Variants in HMCN1 observed in about 807,000 individuals in gnomAD.
HMCN1 encodes the protein hemicentin 1.
In HMCN1, 321 loss-of-function variants were observed where a neutral mutation model predicts 625.9. The observed-to-expected ratio is 0.51, with a 90% CI of 0.47 to 0.56. The LOEUF is 0.56. Among genes scored for constraint, HMCN1 ranks in the 20% least tolerant of loss-of-function variants. The pLI is 0.00. For synonymous variants in HMCN1, 2,425 were observed against 2,417.6 expected, an observed-to-expected ratio of 1.00 and a Z score of -0.09; for missense variants, 6,588 against 6,887.3, an observed-to-expected ratio of 0.96 and a Z score of 1.54.
chr1:185,883,645 G>A (rs924424929), intron 4 of HMCN1, among the ~76,000 whole-genome samples: 1 of 151,928 alleles, frequency 6.6e-6, no homozygotes, highest in Non-Finnish European at 1.5e-5. Context: ...CAATTTGTTT[G>A]TTGTTGGATA....
rs1558181563 is a variant in HMCN1 at position 186,055,661 on chromosome 1, C to T, written c.7131C>T (p.Asp2377=). ...CAGGAATGACTGACAAAAAATATGACTTAAGTGTCCATGGTAAGTAGAAAG... is the reference window on the plus strand; with the variant it reads ...CAGGAATGACTGACAAAAAATATGATTTAAGTGTCCATGGTAAGTAGAAAG... ...NVAGMTDKKY[D]LSVHAPPSII... is the part of the protein sequence containing the mutation. The change falls in exon 45 of 107, where the codon GAC becomes GAT. Residue 2377 remains aspartate (D), a synonymous_variant. Transcript: ENST00000271588. 4 of 1,612,496 alleles carry T rather than the reference C, an allele frequency of 2.5e-6. No homozygotes were observed. Among genetic ancestry groups the T allele is most frequent in the Non-Finnish European group, 3.4e-6 (4 of 1,178,900 alleles).
intron 1 of HMCN1, among the ~76,000 whole-genome samples, chr1:185,770,267 T>G (rs974624890): frequency 1.3e-5 from 2 of 152,188 alleles, no homozygotes; most frequent in African/African-American, 4.8e-5. Context: ...TGAACAAGGA[T>G]TTAGACTTTT....
At chr1:185,828,041 C>A (rs756398912) in intron 1 of HMCN1, among the ~76,000 whole-genome samples, 3 of 152,068 alleles carry the variant, frequency 2.0e-5, no homozygotes, top group Non-Finnish European at 4.4e-5. Context: ...ACACGCACAA[C>A]TTAGGGAATA....
intron 4 of HMCN1, among the ~76,000 whole-genome samples, chr1:185,869,421 A>G (rs1333425867): frequency 2.6e-5 from 4 of 152,192 alleles, no homozygotes; most frequent in Non-Finnish European, 5.9e-5. Flanking sequence ...AATATTAACT[A>G]GTGTTATTAT....
In HMCN1 at chr1:186,055,515, G is replaced by T; in HGVS notation, c.6985G>T (p.Asp2329Tyr). 1 of 1,612,944 alleles carries T rather than the reference G, an allele frequency of 6.2e-7. No homozygotes were observed. Among genetic ancestry groups the T allele is most frequent in the Non-Finnish European group, 8.5e-7 (1 of 1,179,304 alleles). ...IPPPTVTWMKDGHPLIKAKGV... is the reference protein window; with the variant it reads ...IPPPTVTWMKYGHPLIKAKGV... ...ACCACCAACAGTGACCTGGATGAAA[G>T]ATGGCCACCCCTTGATCAAGGCAAA... Residue 2329 changes from aspartate to tyrosine, a missense_variant, in exon 45 of 107, where the codon GAT becomes TAT. Transcript: ENST00000271588.
chr1:185,874,187 G>A (rs998121581), intron 4 of HMCN1, among the ~76,000 whole-genome samples: 18 of 151,780 alleles, frequency 1.2e-4, no homozygotes, highest in African/African-American at 4.1e-4. Context: ...GGATGGCTTT[G>A]AAAACAGTGA....
At chr1:185,845,148 GA>G (rs34643995) in intron 1 of HMCN1, among the ~76,000 whole-genome samples, 1 of 152,048 alleles carries the variant, frequency 6.6e-6, no homozygotes, top group South Asian at 2.1e-4. Flanking sequence ...CCAGCCATGA[GA>G]AAAAAAGTTA....
intron 29 of HMCN1, 130 bp downstream of exon 29, chr1:186,003,974 C>A: frequency 1.2e-6 from 1 of 859,982 alleles, no homozygotes; most frequent in Non-Finnish European, 1.8e-6. Context: ...ACAGGAAAAA[C>A]AATATTGCTC....
intron 1 of HMCN1, among the ~76,000 whole-genome samples, chr1:185,819,853 A>G (rs1557993760): frequency 6.6e-6 from 1 of 152,186 alleles, no homozygotes; most frequent in Non-Finnish European, 1.5e-5. Context: ...ATGAACCCCA[A>G]CCAGCATTCT....
intron 2 of HMCN1, among the ~76,000 whole-genome samples, chr1:185,855,743 A>G (rs532374860): frequency 2.2e-4 from 33 of 152,314 alleles, no homozygotes; most frequent in Non-Finnish European, 4.3e-4. Flanking sequence ...AATCCTTACC[A>G]GTGACAGGTG....
intron 54 of HMCN1, 57 bp from the exon 55 acceptor site, chr1:186,078,050 A>G (rs1465106816): frequency 1.3e-5 from 17 of 1,291,634 alleles, no homozygotes; most frequent in Non-Finnish European, 1.9e-5. Context: ...GTATCTGTTT[A>G]TGGCTTGTGT....
At chr1:185,966,481 A>G (rs1650414824) in intron 14 of HMCN1, among the ~76,000 whole-genome samples, 2 of 152,262 alleles carry the variant, frequency 1.3e-5, no homozygotes, top group South Asian at 2.1e-4. Context: ...CCATAATAAA[A>G]TAACAGTTAT....
At chr1:186,144,782 T>G (rs1650209214) in intron 91 of HMCN1, 79 bp downstream of exon 91, 2 of 1,535,822 alleles carry the variant, frequency 1.3e-6, no homozygotes, top group Non-Finnish European at 1.8e-6. Context: ...AGTTGCAATA[T>G]TCCGTTATTT....
rs565548065 is a variant in HMCN1, at chr1:186,016,264, G to A, written c.5191+25G>A. 3.7e-6 allele frequency: 6 copies of A among 1,605,054 alleles called. No individual in the cohort carries two copies. In the South Asian group the frequency reaches 6.6e-5, roughly 18 times the overall value. On this transcript the variant is annotated intron_variant, in intron 32 of 106. Transcript: ENST00000271588. ...GGTAAATAAGGATGCCACTGCCTGG[G>A]TTCTCAGATTCATAGCAAAACCTGA...
intron 1 of HMCN1, among the ~76,000 whole-genome samples, chr1:185,764,781 A>G (rs1655758481): frequency 6.6e-6 from 1 of 152,196 alleles, no homozygotes; most frequent in Non-Finnish European, 1.5e-5. Flanking sequence ...TATATGAAAT[A>G]GTAATTTGAT....
chr1:185,754,296 A>G (rs190070531), intron 1 of HMCN1, among the ~76,000 whole-genome samples: 4 of 152,334 alleles, frequency 2.6e-5, no homozygotes, highest in Admixed American at 2.0e-4. Context: ...GTGAACGGAT[A>G]CAATGCTTCA....
At chr1:186,004,560 A>T (rs1057119331) in intron 29 of HMCN1, among the ~76,000 whole-genome samples, 3 of 152,218 alleles carry the variant, frequency 2.0e-5, no homozygotes, top group Admixed American at 1.3e-4. Flanking sequence ...AAAAGATACC[A>T]TCAATAATTT....
rs558252183 is a variant in HMCN1, at chr1:185,992,790, G to A, written c.3378-392G>A. On this transcript the variant is annotated intron_variant, in intron 22 of 106. Transcript: ENST00000271588. ...ACCCAGCTGCATTATTACTCAATAG[G>A]AGGAATGTATTCAACTATTTTTGAG... Among the ~76,000 whole-genome samples, 36 of 152,242 alleles carry A rather than the reference G, an allele frequency of 2.4e-4. No individual in the cohort carries two copies. The South Asian group carries it at 5.0e-3, about 21-fold the overall frequency.
chr1:186,063,067 C>CATATATAT (rs775036108), intron 48 of HMCN1, among the ~76,000 whole-genome samples: 9,928 of 59,282 alleles, frequency 0.17, 1,463 homozygotes, highest in Non-Finnish European at 0.18. Context: ...TGTGTGTGTG[C>CATATATAT]ATATATATAT....
Sources: gnomAD v4.1 joint callset for allele counts (sites outside exome capture counted in the v4.1 genomes callset) on GRCh38, gnomAD v4.1.1 for gene constraint, MANE v1.5 for transcripts, NCBI Gene and HGNC (gene_info 2026-07-23, HGNC 2026-07-21) for gene names.